The following GFRA1 variants were observed in gnomAD, a reference collection of about 807,000 sequenced individuals.
The protein encoded by GFRA1 is GDNF family receptor alpha-1.
A neutral mutation model predicts 51.6 loss-of-function variants in GFRA1; 16 were observed. The ratio of observed to expected loss-of-function variants is 0.31; its 90% CI spans 0.21 to 0.47. The LOEUF (loss-of-function observed/expected upper bound fraction) is 0.47. Ranked by LOEUF, GFRA1 falls within the 20% of genes least tolerant of loss-of-function variation. The pLI is 1.00. For synonymous variants in GFRA1, 270 were observed against 241.3 expected, an observed-to-expected ratio of 1.12 and a Z score of -1.10; for missense variants, 530 against 594.3, an observed-to-expected ratio of 0.89 and a Z score of 1.13.
chr10:116,256,278 T>C (rs1296508224), intron 4 of GFRA1, among the ~76,000 whole-genome samples: 1 of 152,194 alleles, frequency 6.6e-6, no homozygotes, highest in Non-Finnish European at 1.5e-5. Context: ...GCCACCGTGC[T>C]ACTCTGCAGC....
Position 116,269,580 on chromosome 10 carries a change from T to G in GFRA1, c.341A>C (p.Asp114Ala), listed in dbSNP as rs1411129736. ...WSMYQSLQGN[D>A]LLEDSPYEPV... ...TTCATATGGGGAATCCTCCAGCAGA[T>G]CATTTCCTAAAAACAACAGAAAGAT... Residue 114 changes from aspartate (D) to alanine (A), a missense_variant, in exon 4 of 11, where the codon GAT becomes GCT. Transcript: ENST00000355422. 6.3e-7 allele frequency: 1 copy of G among 1,593,676 alleles called. No individual in the cohort carries two copies. The highest frequency in any genetic ancestry group is 1.7e-5 in the Admixed American group (1 of 60,016).
intron 4 of GFRA1, among the ~76,000 whole-genome samples, chr10:116,230,682 C>T (rs1966621937): frequency 6.6e-6 from 1 of 151,304 alleles, no homozygotes; most frequent in Admixed American, 6.6e-5. Context: ...GCCAGTGCCC[C>T]CTTCTATTAA....
chr10:116,164,195 A>AT (rs1960134579), intron 5 of GFRA1, among the ~76,000 whole-genome samples: 2 of 152,182 alleles, frequency 1.3e-5, no homozygotes, highest in Admixed American at 6.5e-5. Flanking sequence ...GATGGCCTTC[A>AT]TACCCGAACT....
At chr10:116,176,100 T>C (rs1006321431) in intron 5 of GFRA1, among the ~76,000 whole-genome samples, 2 of 152,238 alleles carry the variant, frequency 1.3e-5, no homozygotes, top group Non-Finnish European at 2.9e-5. Flanking sequence ...AGTATGAACC[T>C]ATGCTTTTAT....
intron 4 of GFRA1, among the ~76,000 whole-genome samples, chr10:116,237,629 TC>T (rs1252074391): frequency 6.7e-6 from 1 of 150,226 alleles, no homozygotes; most frequent in African/African-American, 2.4e-5. Flanking sequence ...CTTCGATACT[TC>T]CTGTTCTTCT....
intron 5 of GFRA1, among the ~76,000 whole-genome samples, chr10:116,207,789 T>G (rs1325718902): frequency 6.6e-6 from 1 of 152,074 alleles, no homozygotes; most frequent in Non-Finnish European, 1.5e-5. Context: ...CACAAGACCC[T>G]CTTCAGGCAA....
At chr10:116,107,024 G>T (rs1957032916) in intron 6 of GFRA1, among the ~76,000 whole-genome samples, 2 of 152,158 alleles carry the variant, frequency 1.3e-5, no homozygotes, top group Non-Finnish European at 2.9e-5. Flanking sequence ...CTGAGCAAAT[G>T]CCAGCACCAT....
At chr10:116,196,748 ATATAT>A (rs1416090137) in intron 5 of GFRA1, among the ~76,000 whole-genome samples, 3 of 84,122 alleles carry the variant, frequency 3.6e-5, no homozygotes, top group Non-Finnish European at 5.1e-5. Context: ...TATATATAAT[ATATAT>A]TATATATTAT....
chr10:116,241,240 A>G (rs1967344223), intron 4 of GFRA1, among the ~76,000 whole-genome samples: 1 of 152,232 alleles, frequency 6.6e-6, no homozygotes, highest in African/African-American at 2.4e-5. Context: ...ACCAATTCAC[A>G]CATGTCCAAG....
At chr10:116,103,575 T>TC (rs1449737064) in intron 6 of GFRA1, among the ~76,000 whole-genome samples, 1 of 152,216 alleles carries the variant, frequency 6.6e-6, no homozygotes, top group African/African-American at 2.4e-5. Flanking sequence ...AGCTACTTTT[T>TC]CCCAGGGACT....
intron 5 of GFRA1, among the ~76,000 whole-genome samples, chr10:116,187,783 T>C (rs535569580): frequency 1.3e-5 from 2 of 152,102 alleles, no homozygotes; most frequent in Admixed American, 6.5e-5. Context: ...ATCTCAACAT[T>C]GGCCATGGAA....
rs951953165 is a variant in GFRA1 at position 116,165,654 on chromosome 10, T to C, written c.434-40097A>G. Among the ~76,000 whole-genome samples, 41 of 62,506 alleles carry C rather than the reference T, an allele frequency of 6.6e-4. No homozygotes were observed. The South Asian group carries it at 0.023, about 35-fold the overall frequency. The allele number at this position is 62,506 out of a possible 152,430, so 41.0% of individuals were successfully genotyped here. On this transcript the variant is annotated intron_variant, in intron 5 of 10. Coordinates refer to ENST00000355422, the MANE Select transcript of GFRA1 (RefSeq NM_005264.8). ...TCTGTCTCTCTCTTTCATGTGCTCTTTCTCTCACTCTCACACACACACACA... is the reference window on the plus strand; with the variant it reads ...TCTGTCTCTCTCTTTCATGTGCTCTCTCTCTCACTCTCACACACACACACA...
At chr10:116,201,378 A>G (rs2694757) in intron 5 of GFRA1, among the ~76,000 whole-genome samples, 5,319 of 152,252 alleles carry the variant, frequency 0.035, 228 homozygotes, top group African/African-American at 0.11. Context: ...CAGTAAGCAC[A>G]TTGCAAAGGC....
chr10:116,193,864 T>G (rs539195369), intron 5 of GFRA1, among the ~76,000 whole-genome samples: 4 of 151,974 alleles, frequency 2.6e-5, no homozygotes, highest in African/African-American at 9.6e-5. Flanking sequence ...GAGACCATCC[T>G]GGCTCTCTAA....
intron 10 of GFRA1, 137 bp from the exon 11 acceptor site, chr10:116,064,681 T>A (rs1955014518): frequency 1.3e-6 from 1 of 760,762 alleles, no homozygotes; most frequent in Non-Finnish European, 2.3e-6. Context: ...CCACTGAGAC[T>A]TACATTCACT....
At position 116,094,587 on chromosome 10, in the gene GFRA1, G is replaced by A. The variant is rs562997342; in HGVS notation, c.881-751C>T. ...ACCAAATGTCTTCTCCTGGGTGGCC[G>A]ACACCAGGCAATGCCCGCTGATGAC... On this transcript the variant is annotated intron_variant, in intron 7 of 10. Coordinates refer to ENST00000355422, the MANE Select transcript of GFRA1 (RefSeq NM_005264.8). 3.9e-5 allele frequency among the ~76,000 whole-genome samples: 6 copies of A among 152,274 alleles called. No homozygotes were observed. The South Asian group carries it at 6.2e-4, about 16-fold the overall frequency.
At chr10:116,198,481 A>G (rs931532364) in intron 5 of GFRA1, among the ~76,000 whole-genome samples, 26 of 152,318 alleles carry the variant, frequency 1.7e-4, no homozygotes, top group Admixed American at 7.2e-4. Context: ...AGCCTCCTCT[A>G]TTTACACTGT....
At chr10:116,204,125 T>C (rs1303462547) in intron 5 of GFRA1, among the ~76,000 whole-genome samples, 2 of 152,192 alleles carry the variant, frequency 1.3e-5, no homozygotes, top group African/African-American at 4.8e-5. Context: ...AGCCCTTCTC[T>C]AGGTGTCAAG....
chr10:116,149,281 T>C (rs1285704450), intron 5 of GFRA1, among the ~76,000 whole-genome samples: 1 of 152,170 alleles, frequency 6.6e-6, no homozygotes, highest in Admixed American at 6.5e-5. Flanking sequence ...TAACAGTTGA[T>C]TAGAAAATAT....
Sources: allele counts gnomAD v4.1 joint callset (sites outside exome capture counted in the v4.1 genomes callset), GRCh38; gene constraint gnomAD v4.1.1; transcripts MANE v1.5; gene names NCBI Gene and HGNC (gene_info 2026-07-23, HGNC 2026-07-21).